The following PSMA1 variants were observed in gnomAD, a reference collection of about 807,000 sequenced individuals.
The protein encoded by PSMA1 is proteasome subunit alpha type-1.
A neutral mutation model predicts 38.4 loss-of-function variants in PSMA1; 3 were observed. The observed-to-expected ratio is 0.08, with a 90% CI of 0.04 to 0.20. PSMA1 has a LOEUF of 0.20. Among genes scored for constraint, PSMA1 ranks in the 10% least tolerant of loss-of-function variants. The probability of loss-of-function intolerance (pLI) is 1.00; values close to 1 mark genes in which losing one functional copy is unlikely to be tolerated. For synonymous variants in PSMA1, 101 were observed against 107.1 expected (o/e 0.94, Z 0.35); for missense variants, 227 against 325.3 (o/e 0.70, Z 2.32).
chr11:14,571,205 G>A (rs1852136057), intron 2 of PSMA1, among the ~76,000 whole-genome samples: 1 of 152,168 alleles, frequency 6.6e-6, no homozygotes, highest in South Asian at 2.1e-4. Context: ...TGGGACTACA[G>A]GAACCCACCA....
chr11:14,582,237 A>T lies in PSMA1; in HGVS notation c.21+28729T>A, dbSNP rs772820819. Among the ~76,000 whole-genome samples the T allele has an allele frequency of 6.1e-4, 93 of 152,218 alleles. 2 individuals are homozygous for T. The highest frequency in any genetic ancestry group is 1.8e-4 in the Non-Finnish European group (12 of 68,034). On this transcript the variant is annotated intron_variant, in intron 2 of 10. Coordinates refer to the PSMA1 transcript ENST00000418988. ...ATGAGAAAATAAATCCCAACAAATT[A>T]TTGAACTCTTGGAGATTTAGGTTCT... is the stretch of plus-strand genomic sequence containing the variant.
chr11:14,520,300 G>C lies in PSMA1; in HGVS notation c.-1C>G, dbSNP rs974544542. ...CAGAGATCGGGATTCAACGTACCAT[G>C]GTGGCGGCGCGGGCCTGGTTGCGGC... On this transcript the variant is annotated 5_prime_UTR_variant, in exon 1 of 10. Coordinates refer to ENST00000396394, the MANE Select transcript of PSMA1 (RefSeq NM_002786.4). The C allele has an allele frequency of 6.2e-7, 1 of 1,614,180 alleles. No individual in the cohort carries two copies. Among genetic ancestry groups the C allele is most frequent in the Non-Finnish European group, 8.5e-7 (1 of 1,179,980 alleles).
At chr11:14,574,148 G>A (rs115521094) in intron 2 of PSMA1, among the ~76,000 whole-genome samples, 2,379 of 152,276 alleles carry the variant, frequency 0.016, 56 homozygotes, top group African/African-American at 0.054. Context: ...AATTAAAGGA[G>A]GCTGCAGAAA....
chr11:14,522,745 A>G (rs1851543433), upstream of PSMA1, among the ~76,000 whole-genome samples: 1 of 152,128 alleles, frequency 6.6e-6, no homozygotes, highest in South Asian at 2.1e-4. Context: ...GCTTCCTGTA[A>G]TTAGGGATGG....
intron 8 of PSMA1, 134 bp from the exon 9 acceptor site, chr11:14,507,900 G>A: frequency 1.6e-6 from 1 of 613,546 alleles, no homozygotes; most frequent in East Asian, 2.9e-5. Flanking sequence ...CCACTTATGT[G>A]TAGGAGAAAA....
intron 2 of PSMA1, among the ~76,000 whole-genome samples, chr11:14,597,779 G>C (rs1852519447): frequency 6.6e-6 from 1 of 151,736 alleles, no homozygotes; most frequent in Non-Finnish European, 1.5e-5. Flanking sequence ...GTTATTTCTT[G>C]CCTTCTGCTA....
intron 2 of PSMA1, among the ~76,000 whole-genome samples, chr11:14,543,238 C>T (rs1376942590): frequency 2.0e-5 from 3 of 152,162 alleles, no homozygotes; most frequent in Non-Finnish European, 4.4e-5. Flanking sequence ...TGGTATGTGC[C>T]TGTAGTTCCA....
intron 2 of PSMA1, among the ~76,000 whole-genome samples, chr11:14,546,150 CT>C (rs57094424): frequency 0.024 from 3,414 of 140,328 alleles, 66 homozygotes; most frequent in East Asian, 0.13. Flanking sequence ...CTCTCTCTCT[CT>C]TTTTTTTTTT....
Position 14,538,074 on chromosome 11 carries a change from G to A in PSMA1, c.22-19033C>T, listed in dbSNP as rs116931007. 6.3e-3 allele frequency among the ~76,000 whole-genome samples: 966 copies of A among 152,156 alleles called. 5 individuals are homozygous for A. Among genetic ancestry groups the A allele is most frequent in the Non-Finnish European group, 0.01 (705 of 68,000 alleles). ...AATAATTATTCATAAAAGTAACTGA[G>A]GGGGTATAATATAAAAAAATTTTTT... On this transcript the variant is annotated intron_variant, in intron 2 of 10. Coordinates refer to the PSMA1 transcript ENST00000418988.
chr11:14,605,888 G>C (rs1423430530), intron 2 of PSMA1, among the ~76,000 whole-genome samples: 2 of 152,090 alleles, frequency 1.3e-5, no homozygotes, highest in Non-Finnish European at 2.9e-5. Context: ...AGTTTAATTA[G>C]GTGTCACTTG....
At chr11:14,638,541 CTCTCTATATATATA>C (rs1372481998) in intron 1 of PSMA1, among the ~76,000 whole-genome samples, 128 of 15,668 alleles carry the variant, frequency 8.2e-3, no homozygotes, top group African/African-American at 0.011. Context: ...CTCTCTCTCT[CTCTCTATATATATA>C]TATATATATA....
At chr11:14,523,029 T>C (rs1229869938), upstream of PSMA1, among the ~76,000 whole-genome samples, 1 of 152,208 alleles carries the variant, frequency 6.6e-6, no homozygotes, top group Non-Finnish European at 1.5e-5. Flanking sequence ...GTCCTTCTGA[T>C]AATTATTTCC....
rs1762012036 is a variant in PSMA1, at chr11:14,534,829, C to T, written c.22-15788G>A. ...AGGTGCGGTGGCTCACGCCTGTAAT[C>T]CCAGCACTTTGGGAGGCAGGCAGAT... On this transcript the variant is annotated intron_variant, in intron 2 of 10. Transcript: ENST00000418988. The surrounding 1 kb of genome is among the most constrained non-coding windows in gnomAD (Gnocchi z 4.5). Among the ~76,000 whole-genome samples the T allele has an allele frequency of 6.6e-6, 1 of 152,174 alleles. No individual in the cohort carries two copies. The highest frequency in any genetic ancestry group is 2.4e-5 in the African/African-American group (1 of 41,432).
chr11:14,511,038 G>A (rs1278667557), intron 7 of PSMA1, 87 bp from the exon 8 acceptor site: 2 of 900,174 alleles, frequency 2.2e-6, no homozygotes, highest in South Asian at 4.3e-5. Flanking sequence ...CTCAAATTGT[G>A]GTTTTTAGTT....
intron 2 of PSMA1, among the ~76,000 whole-genome samples, chr11:14,607,618 G>A (rs575043508): frequency 6.6e-6 from 1 of 152,264 alleles, no homozygotes; most frequent in African/African-American, 2.4e-5. Flanking sequence ...GATGAGAAAT[G>A]GAAGAGATTT....
At chr11:14,520,528 G>A (rs1851512249), upstream of PSMA1, 1 of 1,393,936 alleles carries the variant, frequency 7.2e-7, no homozygotes, top group East Asian at 2.6e-5. Flanking sequence ...TAGGAACTGA[G>A]ACTGGCGGGA....
intron 2 of PSMA1, among the ~76,000 whole-genome samples, chr11:14,532,500 G>A (rs1459088724): frequency 5.3e-5 from 8 of 152,062 alleles, no homozygotes; most frequent in Non-Finnish European, 1.0e-4. Context: ...AGCTACTCGG[G>A]AGGCTGAGGC....
chr11:14,638,570 TATATATATATATA>T (rs1853152319), intron 1 of PSMA1, among the ~76,000 whole-genome samples: 3 of 24,942 alleles, frequency 1.2e-4, no homozygotes, highest in Non-Finnish European at 1.7e-4. Context: ...TATATATATA[TATATATATATATA>T]TATTTTTTTT....
intron 2 of PSMA1, among the ~76,000 whole-genome samples, chr11:14,552,223 C>T (rs988261839): frequency 7.2e-5 from 11 of 152,242 alleles, no homozygotes; most frequent in South Asian, 4.1e-4. Context: ...ATCCTCAGCA[C>T]GAAAAGTTCC....
Sources: gnomAD v4.1 joint callset for allele counts (sites outside exome capture counted in the v4.1 genomes callset) on GRCh38, gnomAD v4.1.1 for gene constraint, Gnocchi (gnomAD v3.1) non-coding constraint, MANE v1.5 for transcripts, NCBI Gene and HGNC (gene_info 2026-07-23, HGNC 2026-07-21) for gene names.